The following THOC1 variants were observed in gnomAD, a reference collection of about 807,000 sequenced individuals.
THOC1 encodes the protein THO complex 1.
THOC1 carries 29 observed loss-of-function variants against 97.3 expected under a neutral mutation model. The ratio of observed to expected loss-of-function variants is 0.30; its 90% confidence interval spans 0.22 to 0.41. The LOEUF is 0.41. THOC1 is among the 10% of genes least tolerant of loss of function. The pLI, the probability that THOC1 is intolerant of heterozygous loss-of-function variation, is 1.00. For missense variants in THOC1, 529 were observed against 761.9 expected, an observed-to-expected ratio of 0.69 and a Z score of 3.60; for synonymous variants, 255 against 257.0, an observed-to-expected ratio of 0.99 and a Z score of 0.07.
Position 225,102 on chromosome 18 carries a change from GA to G in THOC1, c.1123del (p.Ser375GlnfsTer4). 1 of 1,576,616 alleles carries G rather than the reference GA, an allele frequency of 6.3e-7. No individual in the cohort carries two copies. The highest frequency in any genetic ancestry group is 1.2e-5 in the South Asian group (1 of 86,018). ...AAAAACACATACCTCTACCATCTTTGAAAATCTTTCTCCATCGGGGGGGTTT... is the reference window on the plus strand; with the variant it reads ...AAAAACACATACCTCTACCATCTTTGAAATCTTTCTCCATCGGGGGGGTTT... ...SENPPDGERF[S>X]KMVEHILNTE... On this transcript the variant is annotated frameshift_variant, in exon 14 of 21. Transcript: ENST00000261600. LOFTEE classifies it high-confidence loss of function.
chr18:249,030 G>A (rs1193128083), intron 9 of THOC1, among the ~76,000 whole-genome samples: 6 of 152,098 alleles, frequency 3.9e-5, no homozygotes, highest in Admixed American at 1.3e-4. Context: ...GATTACAGGC[G>A]TGTACCACTG....
In THOC1 at chr18:224,993, T is replaced by C; in HGVS notation, c.1139A>G (p.His380Arg). The C allele has an allele frequency of 6.4e-7, 1 of 1,571,076 alleles. No homozygotes were observed. Among genetic ancestry groups the C allele is most frequent in the Non-Finnish European group, 8.7e-7 (1 of 1,155,874 alleles). ...DGERFSKMVE[H>R]ILNTEENWNS... The stretch of plus-strand genomic sequence containing the variant: ...CCAGTTTTCTTCAGTGTTTAATATA[T>C]GCTGGGAAAAACAAAGCGATTACAT... Residue 380 changes from histidine (H) to arginine (R), a missense_variant and splice_region_variant, in exon 15 of 21, where the codon CAT becomes CGT. His to Arg is a conservative substitution (Grantham distance 29, BLOSUM62 0). Around this residue, in one of 8 missense-constraint regions of THOC1, gnomAD observed 123 missense variants for 159.0 expected, o/e 0.77. Coordinates refer to ENST00000261600, the MANE Select transcript of THOC1 (RefSeq NM_005131.3).
chr18:229,452 C>T (rs950522479), intron 11 of THOC1, among the ~76,000 whole-genome samples: 7 of 152,028 alleles, frequency 4.6e-5, no homozygotes, highest in Non-Finnish European at 8.8e-5. Context: ...GAGGCTGAGG[C>T]GGGCGGATCA....
chr18:238,612 A>G (rs1328426527), intron 11 of THOC1, among the ~76,000 whole-genome samples: 2 of 152,250 alleles, frequency 1.3e-5, no homozygotes, highest in Non-Finnish European at 2.9e-5. Flanking sequence ...GGATTTGTGT[A>G]TCTAAACATA....
At chr18:259,768 C>T in intron 5 of THOC1, 38 bp from the exon 6 acceptor site, 2 of 1,452,476 alleles carry the variant, frequency 1.4e-6, no homozygotes, top group Non-Finnish European at 1.9e-6. Context: ...TTCTTCAGAA[C>T]TTGTTACACA....
At chr18:266,367 G>C (rs1298578411) in intron 1 of THOC1, among the ~76,000 whole-genome samples, 1 of 152,024 alleles carries the variant, frequency 6.6e-6, no homozygotes, top group Non-Finnish European at 1.5e-5. Flanking sequence ...GGTTTTTGTA[G>C]ATTTTTACTA....
rs757494363 is a variant in THOC1 at position 255,951 on chromosome 18, A to ATGGTTTAC, written c.521-1604_521-1597dup. The stretch of plus-strand genomic sequence containing the variant: ...TGATGACAGCACATCTGTTTATAGC[A>ATGGTTTAC]TGGTTTACTGACAATTTTAAGGCCA... On this transcript the variant is annotated intron_variant, in intron 7 of 20. Transcript: ENST00000261600. Among the ~76,000 whole-genome samples, 67 of 152,356 alleles carry ATGGTTTAC rather than the reference A, an allele frequency of 4.4e-4. 1 individual carries two copies. The highest frequency in any genetic ancestry group is 1.5e-3 in the African/African-American group (64 of 41,578).
chr18:230,182 C>T (rs1035660228), intron 11 of THOC1, among the ~76,000 whole-genome samples: 14 of 152,162 alleles, frequency 9.2e-5, no homozygotes, highest in African/African-American at 3.4e-4. Flanking sequence ...CATCCATTTG[C>T]CCAAGCAACT....
intron 17 of THOC1, among the ~76,000 whole-genome samples, chr18:221,814 T>C (rs900954835): frequency 3.3e-5 from 5 of 152,132 alleles, no homozygotes; most frequent in African/African-American, 7.2e-5. Context: ...TTCACCGTGT[T>C]AGCCACGATG....
chr18:220,713 C>A (rs1911047245), intron 17 of THOC1, among the ~76,000 whole-genome samples: 2 of 152,190 alleles, frequency 1.3e-5, no homozygotes, highest in South Asian at 4.1e-4. Context: ...TTCATTTGTA[C>A]ATTTTTCTAC....
intron 8 of THOC1, among the ~76,000 whole-genome samples, chr18:252,974 G>A (rs761730625): frequency 8.5e-5 from 13 of 152,120 alleles, no homozygotes; most frequent in African/African-American, 1.7e-4. Context: ...CTAATTCACA[G>A]AAGAAAAATA....
Position 246,438 on chromosome 18 carries a change from T to A in THOC1, c.804A>T (p.Leu268Phe). 6.4e-7 allele frequency: 1 copy of A among 1,572,644 alleles called. No homozygotes were observed. Among genetic ancestry groups the A allele is most frequent in the South Asian group, 1.2e-5 (1 of 86,518 alleles). Residue 268 changes from leucine (L) to phenylalanine (F), a missense_variant, in exon 11 of 21, where the codon TTA becomes TTT. By Grantham distance (22) the Leu-to-Phe change is conservative. This residue lies in a region of THOC1 where 92 missense variants were observed against 127.0 expected (regional missense o/e 0.72). Transcript: ENST00000261600. ...KTFLKYSEEV[L>F]AVFKSYKLDD... ...CTAATTTATAACTCTTAAAAACAGC[T>A]AAAACTTCTTCAGAATACTGCAAAA...
At chr18:218,800 TTAAGAGGCTTTCTAG>T (rs1478006311) in intron 18 of THOC1, 71 bp downstream of exon 18, 1 of 1,129,978 alleles carries the variant, frequency 8.8e-7, no homozygotes, top group Non-Finnish European at 1.3e-6. Flanking sequence ...ACTGCCTCTC[TTAAGAGGCTTTCTAG>T]TATACACACA....
At chr18:252,701 C>A (rs952737497) in intron 8 of THOC1, 89 bp from the exon 9 acceptor site, 3 of 1,019,562 alleles carry the variant, frequency 2.9e-6, no homozygotes, top group Non-Finnish European at 4.5e-6. Context: ...GTTACACATT[C>A]CTAGGCAACC....
At chr18:225,477 A>C (rs1240223022) in intron 12 of THOC1, 74 bp from the exon 13 acceptor site, 1 of 1,253,816 alleles carries the variant, frequency 8.0e-7, no homozygotes, top group African/African-American at 1.5e-5. Flanking sequence ...AAAAAACACA[A>C]GGCATGTAAC....
rs1911925491 is a variant in THOC1, at chr18:242,145, G to A, written c.918+4179C>T. On this transcript the variant is annotated intron_variant, in intron 11 of 20. Coordinates refer to ENST00000261600, the MANE Select transcript of THOC1 (RefSeq NM_005131.3). This position sits in a 1 kb window ranked among gnomAD's most constrained non-coding sequence, Gnocchi z 4.5. Reference sequence around the variant, plus strand: ...TTATTTGTAGAACCTCTACCTACCTGTAGTTGCCACATGACTGGCCTATCT... The same window carrying A: ...TTATTTGTAGAACCTCTACCTACCTATAGTTGCCACATGACTGGCCTATCT... Among the ~76,000 whole-genome samples the A allele has an allele frequency of 6.6e-6, 1 of 152,174 alleles. No individual in the cohort carries two copies. The highest frequency in any genetic ancestry group is 2.4e-5 in the African/African-American group (1 of 41,438).
chr18:215,516 A>G lies in THOC1; in HGVS notation c.1603-12T>C, dbSNP rs1172695071. On this transcript the variant is annotated splice_polypyrimidine_tract_variant and intron_variant, in intron 19 of 20. Transcript: ENST00000261600. ...TCTTCAGAAGGAGGCTAAAAATGAG[A>G]AAGAAGAATGTTTGAAAGAATGCCA... 3 of 1,606,108 alleles carry G rather than the reference A, an allele frequency of 1.9e-6. No homozygotes were observed. Among genetic ancestry groups the G allele is most frequent in the Non-Finnish European group, 2.6e-6 (3 of 1,173,202 alleles).
rs754112619 is a variant in THOC1, at chr18:225,329, G to A, written c.1086+8C>T. The A allele has an allele frequency of 1.9e-6, 3 of 1,612,896 alleles. No homozygotes were observed. Among genetic ancestry groups the A allele is most frequent in the East Asian group, 2.2e-5 (1 of 44,834 alleles). On this transcript the variant is annotated splice_region_variant and intron_variant, in intron 13 of 20. Coordinates refer to ENST00000261600, the MANE Select transcript of THOC1 (RefSeq NM_005131.3). ...TTCAATCATGGGTTTGTTGCGTGTT[G>A]AACTTACTTGATAAACTGATTTTGT...
Position 216,386 on chromosome 18 carries a change from G to T in THOC1, c.1602+100C>A. 11 of 1,326,586 alleles carry T rather than the reference G, an allele frequency of 8.3e-6. 1 individual carries two copies. The South Asian group carries it at 1.5e-4, about 18-fold the overall frequency. The allele number at this position is 1,326,586 out of a possible 1,614,324, so 82.2% of individuals were successfully genotyped here. On this transcript the variant is annotated intron_variant, in intron 19 of 20. Transcript: ENST00000261600. ...AAACATGGGAGCTTGTGGATCACTG[G>T]TTTTTCACATGATTAAGTCAGTTTT... is the stretch of plus-strand genomic sequence containing the variant.
Sources: gnomAD v4.1 joint callset for allele counts (sites outside exome capture counted in the v4.1 genomes callset) on GRCh38, gnomAD v4.1.1 for gene constraint, gnomAD v4.1.1 regional missense constraint, Gnocchi (gnomAD v3.1) non-coding constraint, MANE v1.5 for transcripts, NCBI Gene and HGNC (gene_info 2026-07-23, HGNC 2026-07-21) for gene names.